The following IFNGR1 variants were observed in gnomAD, a reference collection of about 807,000 sequenced individuals.
IFNGR1 encodes the protein AVP, type 2.
A neutral mutation model predicts 35.4 loss-of-function variants in IFNGR1; 23 were observed. The observed-to-expected ratio is 0.65, with a 90% CI of 0.47 to 0.92. The LOEUF (loss-of-function observed/expected upper bound fraction) is 0.92, where lower values mean the gene tolerates loss of function less well. Ranked by LOEUF, IFNGR1 falls within the 40% of genes least tolerant of loss-of-function variation. The pLI, the probability that IFNGR1 is intolerant of heterozygous loss-of-function variation, is 0.00. For synonymous variants in IFNGR1, 199 were observed against 209.5 expected (o/e 0.95, Z 0.43); for missense variants, 533 against 583.4 (o/e 0.91, Z 0.89).
chr6:137,202,269 C>T (rs1002511290), intron 5 of IFNGR1, among the ~76,000 whole-genome samples: 6 of 152,338 alleles, frequency 3.9e-5, no homozygotes, highest in African/African-American at 9.6e-5. Flanking sequence ...TCAGGAGCCA[C>T]GGCAATGCCA....
intron 1 of IFNGR1, among the ~76,000 whole-genome samples, chr6:137,216,301 C>G (rs9494695): frequency 1.3e-5 from 2 of 152,184 alleles, no homozygotes; most frequent in African/African-American, 4.8e-5. Flanking sequence ...AGCTCTTCAG[C>G]TATTACTCAG....
chr6:137,199,471 A>AAATATATAATTTATAATATATTATATAT, intron 6 of IFNGR1, among the ~76,000 whole-genome samples: 1 of 5,828 alleles, frequency 1.7e-4, no homozygotes, highest in Non-Finnish European at 5.7e-4. Flanking sequence ...ATATTATATA[A>AAATATATAATTTATAATATATTATATAT]AATATATAAT....
At chr6:137,203,464 C>T (rs2114472812) in intron 5 of IFNGR1, 35 bp downstream of exon 5, 1 of 1,092,748 alleles carries the variant, frequency 9.2e-7, no homozygotes, top group South Asian at 1.2e-5. Context: ...GTTACTGCTC[C>T]CTCTATATTT....
rs1490443634 is a variant in IFNGR1 at position 137,197,911 on chromosome 6, C to T, written c.*120G>A. The T allele has an allele frequency of 3.1e-6, 4 of 1,311,360 alleles. No individual in the cohort carries two copies. Among genetic ancestry groups the T allele is most frequent in the Non-Finnish European group, 4.4e-6 (4 of 918,186 alleles). 81.2% of individuals were successfully genotyped at this position (1,311,360 alleles called of 1,614,324 possible). A position where few individuals can be genotyped will look rare whatever the true frequency, so the allele number is the denominator to read the frequency against. ...CTTTACGCTTTCATGTACACTAAGT[C>T]ACTCCATTTGGTTGATACCAACTAA... On this transcript the variant is annotated 3_prime_UTR_variant, in exon 7 of 7. Coordinates refer to ENST00000367739, the MANE Select transcript of IFNGR1 (RefSeq NM_000416.3).
At chr6:137,210,036 A>C in intron 1 of IFNGR1, 1 of 394,904 alleles carries the variant, frequency 2.5e-6, no homozygotes. Flanking sequence ...CTAATCAGAC[A>C]CTACCAAAAT....
chr6:137,217,913 G>A (rs1246295109), intron 1 of IFNGR1, among the ~76,000 whole-genome samples: 4 of 152,148 alleles, frequency 2.6e-5, no homozygotes, highest in Non-Finnish European at 4.4e-5. Context: ...CTCAGTCTCT[G>A]CACCTCTGGT....
chr6:137,198,012 T>TG lies in IFNGR1; in HGVS notation c.*18dup. On this transcript the variant is annotated 3_prime_UTR_variant, in exon 7 of 7. Transcript: ENST00000367739. ...GTCCAGGAAAATCAGACTTCAAAGT[T>TG]GGTGCAACTTAGCTGATCTCATGAA... 1 of 1,613,826 alleles carries TG rather than the reference T, an allele frequency of 6.2e-7. No homozygotes were observed. Among genetic ancestry groups the TG allele is most frequent in the Non-Finnish European group, 8.5e-7 (1 of 1,179,918 alleles).
chr6:137,204,732 T>C (rs1779390147), intron 3 of IFNGR1, among the ~76,000 whole-genome samples: 1 of 152,188 alleles, frequency 6.6e-6, no homozygotes, highest in South Asian at 2.1e-4. Flanking sequence ...TTAATCTGAA[T>C]GCCTATTTAG....
chr6:137,201,144 G>C (rs974666922), intron 5 of IFNGR1, 136 bp from the exon 6 acceptor site: 2 of 901,852 alleles, frequency 2.2e-6, no homozygotes, highest in African/African-American at 3.4e-5. Flanking sequence ...ACTGAAGGAA[G>C]CAGAAGTTAG....
Position 137,198,255 on chromosome 6 carries a change from A to C in IFNGR1, c.1246T>G (p.Ser416Ala), listed in dbSNP as rs772586071. The C allele has an allele frequency of 6.2e-7, 1 of 1,613,474 alleles. No individual in the cohort carries two copies. The highest frequency in any genetic ancestry group is 8.5e-7 in the Non-Finnish European group (1 of 1,179,958). Residue 416 changes from serine (S) to alanine (A), a missense_variant, in exon 7 of 7, where the codon TCC (serine) becomes GCC (alanine). By Grantham distance (99) the Ser-to-Ala change is moderately conservative (BLOSUM62 1). Coordinates refer to ENST00000367739, the MANE Select transcript of IFNGR1 (RefSeq NM_000416.3). Reference protein sequence around the residue: ...DHSRNGFDTDSSCLESHSSLS... With the variant: ...DHSRNGFDTDASCLESHSSLS... ...GAGCTATGTGATTCCAGACAGCTGG[A>C]ATCAGTATCAAAACCATTTCTGGAG...
Position 137,198,382 on chromosome 6 carries a change from T to C in IFNGR1, c.1119A>G (p.Pro373=). ...PDVVPGSHLT[P]IERESSSPLS... ...AAGGTGAAGAACTCTCTCTCTCTAT[T>C]GGAGTCAGATGGCTGCCCGGGACCA... Residue 373 remains proline, a synonymous_variant, in exon 7 of 7, where the codon CCA becomes CCG. Transcript: ENST00000367739. 3 of 1,614,142 alleles carry C rather than the reference T, an allele frequency of 1.9e-6. No homozygotes were observed. The highest frequency in any genetic ancestry group is 2.7e-5 in the African/African-American group (2 of 75,016).
intron 1 of IFNGR1, among the ~76,000 whole-genome samples, chr6:137,214,509 A>G (rs546079520): frequency 1.3e-5 from 2 of 152,350 alleles, no homozygotes; most frequent in East Asian, 3.9e-4. Flanking sequence ...AGAGCCAGGC[A>G]TAACACATAG....
chr6:137,197,950 A>C lies in IFNGR1; in HGVS notation c.*81T>G. 6.3e-7 allele frequency: 1 copy of C among 1,584,462 alleles called. No homozygotes were observed. The stretch of plus-strand genomic sequence containing the variant: ...GATACCAACTAAGATACAATTTCTG[A>C]GATCATAATCTTTTCATGAAATTAA... On this transcript the variant is annotated 3_prime_UTR_variant, in exon 7 of 7. Coordinates refer to ENST00000367739, the MANE Select transcript of IFNGR1 (RefSeq NM_000416.3).
At chr6:137,200,819 G>A (rs1001495470) in intron 6 of IFNGR1, 62 bp downstream of exon 6, 1 of 1,311,210 alleles carries the variant, frequency 7.6e-7, no homozygotes, top group Non-Finnish European at 1.1e-6. Flanking sequence ...CATAATTTAA[G>A]AAACTATCAA....
intron 3 of IFNGR1, among the ~76,000 whole-genome samples, chr6:137,205,132 A>C (rs751398058): frequency 2.0e-5 from 3 of 152,246 alleles, no homozygotes; most frequent in Non-Finnish European, 4.4e-5. Context: ...CTATATGGAA[A>C]AAAATCTAAC....
At chr6:137,207,389 GAATT>G (rs886273991) in intron 1 of IFNGR1, among the ~76,000 whole-genome samples, 5 of 152,128 alleles carry the variant, frequency 3.3e-5, no homozygotes, top group African/African-American at 9.7e-5. Flanking sequence ...ACTGATTATT[GAATT>G]AATAATCCTC....
chr6:137,203,699 G>C lies in IFNGR1; in HGVS notation c.547-14C>G, dbSNP rs777837413. 4.6e-6 allele frequency: 7 copies of C among 1,530,442 alleles called. No individual in the cohort carries two copies. Among genetic ancestry groups the C allele is most frequent in the Middle Eastern group, 3.4e-4 (2 of 5,850 alleles). 94.8% of individuals were successfully genotyped at this position (1,530,442 alleles called of 1,614,324 possible). A position where few individuals can be genotyped will look rare whatever the true frequency, so the allele number is the denominator to read the frequency against. The stretch of plus-strand genomic sequence containing the variant: ...TTTATACTGGATCTAGATGAAAAAA[G>C]AAAACAGTGAAAATGCACAGCTTCT... On this transcript the variant is annotated splice_polypyrimidine_tract_variant and intron_variant, in intron 4 of 6. Transcript: ENST00000367739.
intron 1 of IFNGR1, among the ~76,000 whole-genome samples, chr6:137,211,368 A>G (rs1779569290): frequency 1.3e-5 from 2 of 152,242 alleles, no homozygotes; most frequent in African/African-American, 2.4e-5. Context: ...AAACAAATGA[A>G]TAGATTTGGT....
In IFNGR1 at chr6:137,219,346, T is replaced by C. The variant is rs372372230; in HGVS notation, c.-19A>G. ...GAGCCATGCTGCTACCGACGGTCGC[T>C]GGCTCCAACCCCGAGCGCCTGCGGG... On this transcript the variant is annotated 5_prime_UTR_variant, in exon 1 of 7. Coordinates refer to ENST00000367739, the MANE Select transcript of IFNGR1 (RefSeq NM_000416.3). 372 of 1,592,910 alleles carry C rather than the reference T, an allele frequency of 2.3e-4. No individual in the cohort carries two copies. The highest frequency in any genetic ancestry group is 2.5e-4 in the East Asian group (11 of 44,008).
Sources: allele counts gnomAD v4.1 joint callset (sites outside exome capture counted in the v4.1 genomes callset), GRCh38; gene constraint gnomAD v4.1.1; transcripts MANE v1.5; gene names NCBI Gene and HGNC (gene_info 2026-07-23, HGNC 2026-07-21).